Variants in NFILZ observed in about 807,000 individuals in gnomAD.
NFILZ encodes NFIL3 like basic leucine zipper.
chr19:8,678,091 T>TCCATTCATTAGTTTATCCATCCCCATCCA lies in NFILZ; in HGVS notation c.*456_*457insCCATTCATTAGTTTATCCATCCCCATCCA, dbSNP rs2043122807. Among the ~76,000 whole-genome samples, 9 of 4,156 alleles carry TCCATTCATTAGTTTATCCATCCCCATCCA rather than the reference T, an allele frequency of 2.2e-3. No homozygotes were observed. Among genetic ancestry groups the TCCATTCATTAGTTTATCCATCCCCATCCA allele is most frequent in the Non-Finnish European group, 3.3e-3 (8 of 2,420 alleles). 2.7% of individuals were successfully genotyped at this position (4,156 alleles called of 152,430 possible). A position where few individuals can be genotyped will look rare whatever the true frequency, so the allele number is the denominator to read the frequency against. On this transcript the variant is annotated 3_prime_UTR_variant, in exon 6 of 6. Coordinates refer to ENST00000691075, the MANE Select transcript of NFILZ (RefSeq NM_001378600.1). ...ATCCATCCATCAATCCATCCATCCA[T>TCCATTCATTAGTTTATCCATCCCCATCCA]TCCATCCATCCATCCATCCATCCAT...
rs183586087 is a variant in NFILZ, at chr19:8,680,133, C to T, written c.*2498C>T. ...ATCACTTGAACCCAGGAGGTGGAGG[C>T]TGCAGCGAGCTGAGATTGCACCACT... On this transcript the variant is annotated 3_prime_UTR_variant, in exon 6 of 6. Coordinates refer to ENST00000691075, the MANE Select transcript of NFILZ (RefSeq NM_001378600.1). Among the ~76,000 whole-genome samples, 5 of 145,774 alleles carry T rather than the reference C, an allele frequency of 3.4e-5. No individual in the cohort carries two copies. In the South Asian group the frequency reaches 8.8e-4, roughly 26 times the overall value.
chr19:8,681,110 A>G lies in NFILZ; in HGVS notation c.*3475A>G, dbSNP rs10414553. On this transcript the variant is annotated 3_prime_UTR_variant, in exon 6 of 6. Coordinates refer to ENST00000691075, the MANE Select transcript of NFILZ (RefSeq NM_001378600.1). ...GTTCTCCCCTTACCTCCATCCTGTG[A>G]TGTGTGAGGCTGAGTGAAAATAAAC... is the stretch of plus-strand genomic sequence containing the variant. Among the ~76,000 whole-genome samples, 59,433 of 151,834 alleles carry G rather than the reference A, an allele frequency of 0.39. 12,835 individuals carry two copies. The highest frequency in any genetic ancestry group is 0.71 in the East Asian group (3,671 of 5,136).
chr19:8,674,218 G>A (rs1263593002), intron 3 of NFILZ, among the ~76,000 whole-genome samples: 1 of 152,176 alleles, frequency 6.6e-6, no homozygotes, highest in Non-Finnish European at 1.5e-5. Flanking sequence ...CACATGGTGT[G>A]GCGGAGCAGA....
In NFILZ at chr19:8,677,082, C is replaced by T. The variant is rs1555750784; in HGVS notation, c.317C>T (p.Ala106Val). 1.3e-5 allele frequency: 2 copies of T among 152,812 alleles called. No homozygotes were observed. The highest frequency in any genetic ancestry group is 4.8e-5 in the African/African-American group (2 of 41,490). 9.5% of individuals were successfully genotyped at this position (152,812 alleles called of 1,614,324 possible). A position where few individuals can be genotyped will look rare whatever the true frequency, so the allele number is the denominator to read the frequency against. The part of the protein sequence containing the change: ...GLLPLTGGPR[A>V]LPLQALLLEA... Reference sequence around the variant, plus strand: ...CTGCCCCTGACTGGTGGGCCCCGGGCCTTGCCCCTGCAGGCTCTGCTATTG... The same window carrying T: ...CTGCCCCTGACTGGTGGGCCCCGGGTCTTGCCCCTGCAGGCTCTGCTATTG... The change falls in exon 6 of 6, where the codon GCC (alanine) becomes GTC (valine). Residue 106 changes from alanine to valine, a missense_variant. Physicochemically the swap from Ala to Val is moderately conservative, Grantham distance 64. Transcript: ENST00000691075.
chr19:8,663,705 G>GTGGTGTGTGTGTGTGT (rs2043043474), intron 3 of NFILZ, among the ~76,000 whole-genome samples: 1 of 61,884 alleles, frequency 1.6e-5, no homozygotes, highest in African/African-American at 9.0e-5. Flanking sequence ...TTAACAAGGT[G>GTGGTGTGTGTGTGTGT]TGGTGTGTGT....
chr19:8,674,684 T>C (rs2043103206), intron 4 of NFILZ, among the ~76,000 whole-genome samples, 84 bp downstream of exon 4: 1 of 152,174 alleles, frequency 6.6e-6, no homozygotes, highest in African/African-American at 2.4e-5. Context: ...GAACATACTT[T>C]GGGAAATGTG....
intron 3 of NFILZ, among the ~76,000 whole-genome samples, chr19:8,640,316 G>GTTTTTTTTTTTT (rs71179871): frequency 9.7e-5 from 12 of 124,224 alleles, no homozygotes; most frequent in South Asian, 2.7e-4. Flanking sequence ...TCCTGCTGTA[G>GTTTTTTTTTTTT]TTTTTTTTTT....
chr19:8,644,655 G>T (rs1450711471), intron 3 of NFILZ, among the ~76,000 whole-genome samples: 3 of 151,122 alleles, frequency 2.0e-5, no homozygotes, highest in Admixed American at 2.0e-4. Flanking sequence ...TGTAGAGATG[G>T]GGGTCTTACC....
intron 3 of NFILZ, among the ~76,000 whole-genome samples, chr19:8,656,373 CCT>C (rs2042997985): frequency 1.4e-5 from 1 of 72,864 alleles, no homozygotes; most frequent in African/African-American, 3.9e-5. Flanking sequence ...CCACCTTCTC[CCT>C]GAAGCCCACC....
chr19:8,651,438 C>A (rs1246011161), intron 3 of NFILZ, among the ~76,000 whole-genome samples: 1 of 151,438 alleles, frequency 6.6e-6, no homozygotes, highest in South Asian at 2.1e-4. Context: ...CTGGGATTAC[C>A]GGCGTGAGCC....
At chr19:8,648,438 A>G (rs1213962328) in intron 3 of NFILZ, among the ~76,000 whole-genome samples, 1 of 152,126 alleles carries the variant, frequency 6.6e-6, no homozygotes, top group African/African-American at 2.4e-5. Flanking sequence ...GCACAATGTG[A>G]GTGTGCTTAA....
At chr19:8,647,799 A>ACG (rs1483867084) in intron 3 of NFILZ, among the ~76,000 whole-genome samples, 1 of 92,188 alleles carries the variant, frequency 1.1e-5, no homozygotes, top group Non-Finnish European at 2.2e-5. Flanking sequence ...GCGCGCGCAC[A>ACG]CACACACACA....
intron 3 of NFILZ, among the ~76,000 whole-genome samples, chr19:8,649,195 G>GGTTC (rs1177246114): frequency 1.3e-5 from 2 of 150,726 alleles, no homozygotes; most frequent in African/African-American, 4.9e-5. Flanking sequence ...TGAACTCCTG[G>GGTTC]GTTCAAGCAA....
intron 3 of NFILZ, among the ~76,000 whole-genome samples, chr19:8,656,364 C>T (rs2042997496): frequency 6.8e-6 from 1 of 146,670 alleles, no homozygotes; most frequent in South Asian, 2.1e-4. Context: ...CCCTGAAGCC[C>T]ACCTTCTCCC....
intron 3 of NFILZ, among the ~76,000 whole-genome samples, chr19:8,663,742 G>GTGTGTGTA (rs1555749448): frequency 1.2e-5 from 1 of 83,906 alleles, no homozygotes; most frequent in Admixed American, 1.1e-4. Context: ...GTGTGTGTGT[G>GTGTGTGTA]TGTGTGTGTG....
At chr19:8,671,231 C>T (rs1555750258) in intron 3 of NFILZ, among the ~76,000 whole-genome samples, 1 of 152,084 alleles carries the variant, frequency 6.6e-6, no homozygotes, top group Non-Finnish European at 1.5e-5. Context: ...CCTGTTTCTT[C>T]ATCCCCCTCC....
intron 3 of NFILZ, among the ~76,000 whole-genome samples, chr19:8,648,296 C>T (rs1431611416): frequency 6.6e-6 from 1 of 151,630 alleles, no homozygotes; most frequent in Non-Finnish European, 1.5e-5. Context: ...CTGCACGTCT[C>T]GCACATGTAC....
intron 2 of NFILZ, among the ~76,000 whole-genome samples, chr19:8,634,111 C>A (rs1433811397): frequency 2.0e-5 from 3 of 151,990 alleles, no homozygotes; most frequent in Non-Finnish European, 2.9e-5. Context: ...GATTCTCCTG[C>A]CTCAGCCTCC....
chr19:8,674,894 G>T lies in NFILZ; in HGVS notation c.-114+294G>T, dbSNP rs76767173. On this transcript the variant is annotated intron_variant, in intron 4 of 5. Coordinates refer to ENST00000691075, the MANE Select transcript of NFILZ (RefSeq NM_001378600.1). ...AAACCTATACTCCCAATTTAGGAAA[G>T]TTACTACGGTTTATCTTAAAACTCA... 2.1e-4 allele frequency among the ~76,000 whole-genome samples: 32 copies of T among 152,286 alleles called. No homozygotes were observed. In the East Asian group the frequency reaches 6.0e-3, roughly 29 times the overall value.
Sources: gnomAD v4.1 joint callset for allele counts (sites outside exome capture counted in the v4.1 genomes callset) on GRCh38, gnomAD v4.1.1 for gene constraint, MANE v1.5 for transcripts, NCBI Gene and HGNC (gene_info 2026-07-23, HGNC 2026-07-21) for gene names.